Variants in PLPPR1 observed in about 807,000 individuals in gnomAD.
The protein encoded by PLPPR1 is phospholipid phosphatase related 1, also known as phospholipid phosphatase-related protein type 1.
PLPPR1 carries 10 observed loss-of-function variants against 33.1 expected under a neutral mutation model. That is an observed-to-expected ratio of 0.30 (90% CI 0.19 to 0.51). PLPPR1 has a LOEUF of 0.51. Ranked by LOEUF, PLPPR1 falls within the 20% of genes least tolerant of loss-of-function variation. The pLI is 0.97. For synonymous variants in PLPPR1, 151 were observed against 151.0 expected, an observed-to-expected ratio of 1.00 and a Z score of 0.00; for missense variants, 304 against 408.1, an observed-to-expected ratio of 0.74 and a Z score of 2.20.
Position 101,214,657 on chromosome 9 carries a change from C to T in PLPPR1, c.63+29100C>T, listed in dbSNP as rs139986737. 7.8e-3 allele frequency among the ~76,000 whole-genome samples: 1,186 copies of T among 152,228 alleles called. 21 individuals are homozygous for T. Among genetic ancestry groups the T allele is most frequent in the African/African-American group, 0.027 (1,138 of 41,536 alleles). On this transcript the variant is annotated intron_variant, in intron 2 of 7. Transcript: ENST00000374874. The stretch of plus-strand genomic sequence containing the variant: ...ATTAAATTGGTTTGGAAGTCCAACC[C>T]TATGCTCTCAAAACTAAACAAAAAT...
At chr9:101,032,189 T>A (rs1013979789) in intron 1 of PLPPR1, among the ~76,000 whole-genome samples, 4 of 152,110 alleles carry the variant, frequency 2.6e-5, no homozygotes, top group African/African-American at 9.7e-5. Context: ...CAAGTGTGAA[T>A]GGAACTATCC....
intron 1 of PLPPR1, among the ~76,000 whole-genome samples, chr9:101,050,486 A>C (rs775730888): frequency 1.3e-5 from 2 of 152,198 alleles, no homozygotes; most frequent in Non-Finnish European, 1.5e-5. Flanking sequence ...GACATCTGTG[A>C]GGAAGATTTC....
At chr9:101,177,126 G>C (rs1342413014) in intron 1 of PLPPR1, among the ~76,000 whole-genome samples, 1 of 152,068 alleles carries the variant, frequency 6.6e-6, no homozygotes, top group Admixed American at 6.6e-5. Context: ...GGAATTTTAG[G>C]ATTTTTTTTC....
intron 4 of PLPPR1, among the ~76,000 whole-genome samples, chr9:101,289,897 C>T (rs552902121): frequency 6.6e-6 from 1 of 152,310 alleles, no homozygotes; most frequent in Admixed American, 6.5e-5. Flanking sequence ...AAAGCTGATT[C>T]TTAAGTATTC....
chr9:101,237,875 C>T (rs867852564), intron 2 of PLPPR1, among the ~76,000 whole-genome samples: 1 of 130,590 alleles, frequency 7.7e-6, no homozygotes, highest in African/African-American at 2.9e-5. Context: ...TATACACACA[C>T]ATATATATAT....
chr9:101,324,984 G>T lies in PLPPR1; in HGVS notation c.*927G>T, dbSNP rs1829225722. ...AACTGCATCTCATTTTTCTAGCATG[G>T]TGAGAACTAATATGTAACTCCTTTG... On this transcript the variant is annotated 3_prime_UTR_variant, in exon 8 of 8. Transcript: ENST00000374874. The T allele has an allele frequency of 6.6e-6, 1 of 152,510 alleles. No individual in the cohort carries two copies. The highest frequency in any genetic ancestry group is 2.4e-5 in the African/African-American group (1 of 41,402). The allele number at this position is 152,510 out of a possible 1,614,324, so 9.4% of individuals were successfully genotyped here. A position where few individuals can be genotyped will look rare whatever the true frequency, so the allele number is the denominator to read the frequency against.
At chr9:101,285,958 C>A in intron 3 of PLPPR1, 146 bp from the exon 4 acceptor site, 1 of 587,104 alleles carries the variant, frequency 1.7e-6, no homozygotes, top group Non-Finnish European at 3.0e-6. Flanking sequence ...GTGTTAAATG[C>A]AAATTACGAT....
At chr9:101,262,831 G>T (rs1276229953) in intron 2 of PLPPR1, among the ~76,000 whole-genome samples, 1 of 152,130 alleles carries the variant, frequency 6.6e-6, no homozygotes, top group Admixed American at 6.6e-5. Flanking sequence ...GCCATAAAAA[G>T]GGATGAGTTC....
intron 4 of PLPPR1, among the ~76,000 whole-genome samples, chr9:101,296,235 A>G (rs1488369197): frequency 1.3e-5 from 2 of 151,566 alleles, no homozygotes; most frequent in East Asian, 3.9e-4. Flanking sequence ...AATGCAAATC[A>G]AAACCACAAT....
At chr9:101,313,450 C>T (rs549407947) in intron 6 of PLPPR1, among the ~76,000 whole-genome samples, 6 of 152,264 alleles carry the variant, frequency 3.9e-5, no homozygotes, top group African/African-American at 7.2e-5. Context: ...ATCTCCTACT[C>T]GGAAATTTTA....
chr9:101,220,304 G>A (rs1236961273), intron 2 of PLPPR1, among the ~76,000 whole-genome samples: 3 of 152,214 alleles, frequency 2.0e-5, no homozygotes, highest in East Asian at 1.9e-4. Flanking sequence ...AATTGAGCAC[G>A]GTGGTTTACA....
intron 1 of PLPPR1, among the ~76,000 whole-genome samples, chr9:101,041,053 C>A (rs149545706): frequency 6.6e-6 from 1 of 152,098 alleles, no homozygotes; most frequent in African/African-American, 2.4e-5. Flanking sequence ...GATCTGTGAA[C>A]GCATAGTGGA....
intron 1 of PLPPR1, among the ~76,000 whole-genome samples, chr9:101,176,661 G>T (rs975873787): frequency 1.3e-5 from 2 of 151,796 alleles, no homozygotes; most frequent in Non-Finnish European, 2.9e-5. Context: ...ATGTATAATA[G>T]GAGGCCAAGT....
At chr9:101,108,115 C>T (rs546393141) in intron 1 of PLPPR1, among the ~76,000 whole-genome samples, 2 of 146,906 alleles carry the variant, frequency 1.4e-5, no homozygotes, top group South Asian at 2.1e-4. Flanking sequence ...TCTTCTGCGT[C>T]GCTCACGCTG....
At chr9:101,147,648 G>A (rs931810403) in intron 1 of PLPPR1, among the ~76,000 whole-genome samples, 1 of 152,194 alleles carries the variant, frequency 6.6e-6, no homozygotes, top group Non-Finnish European at 1.5e-5. Flanking sequence ...AATTGGAGGT[G>A]ACTGTGCAGG....
intron 1 of PLPPR1, among the ~76,000 whole-genome samples, chr9:101,048,132 TTTC>T (rs1240755300): frequency 1.3e-5 from 2 of 152,206 alleles, no homozygotes; most frequent in African/African-American, 2.4e-5. Flanking sequence ...CCCAATTTCA[TTTC>T]TTCTTCTTCT....
intron 4 of PLPPR1, among the ~76,000 whole-genome samples, chr9:101,298,703 A>G (rs1199124994): frequency 6.6e-6 from 1 of 152,168 alleles, no homozygotes; most frequent in African/African-American, 2.4e-5. Context: ...GTACAGATTA[A>G]GGTGTTTAGA....
chr9:101,039,922 T>TAA (rs36061660), intron 1 of PLPPR1, among the ~76,000 whole-genome samples: 42 of 134,974 alleles, frequency 3.1e-4, no homozygotes, highest in South Asian at 9.4e-4. Context: ...TATTGCCTCC[T>TAA]AAAAAAAAAA....
At chr9:101,153,635 C>T (rs1338428210) in intron 1 of PLPPR1, among the ~76,000 whole-genome samples, 2 of 152,176 alleles carry the variant, frequency 1.3e-5, no homozygotes, top group South Asian at 2.1e-4. Flanking sequence ...AGCGCAGTGG[C>T]ACAATGTTGG....
Sources: gnomAD v4.1 joint callset for allele counts (sites outside exome capture counted in the v4.1 genomes callset) on GRCh38, gnomAD v4.1.1 for gene constraint, MANE v1.5 for transcripts, NCBI Gene and HGNC (gene_info 2026-07-23, HGNC 2026-07-21) for gene names.